The following FRMPD4 variants were observed in gnomAD, a reference collection of about 807,000 sequenced individuals.
FRMPD4 encodes FERM and PDZ domain-containing protein 4.
A neutral mutation model predicts 94.1 loss-of-function variants in FRMPD4; 22 were observed. That is an observed-to-expected ratio of 0.23 (90% confidence interval 0.17 to 0.33). The LOEUF is 0.33. Among genes scored for constraint, FRMPD4 ranks in the 10% least tolerant of loss-of-function variants. The probability of loss-of-function intolerance (pLI) is 1.00; values close to 1 mark genes in which losing one functional copy is unlikely to be tolerated. For synonymous variants in FRMPD4, 631 were observed against 548.6 expected (o/e 1.15, Z -2.10); for missense variants, 1,111 against 1,339.9 (o/e 0.83, Z 2.67).
chrX:11,840,341 AT>A (rs1414795549), intron 1 of FRMPD4, among the ~76,000 whole-genome samples: 15 of 111,299 alleles, frequency 1.3e-4, no homozygotes, highest in East Asian at 5.6e-4. Flanking sequence ...TTGTGGATGA[AT>A]TTTTTTAATT....
intron 3 of FRMPD4, among the ~76,000 whole-genome samples, chrX:11,969,457 G>A (rs1345674969): frequency 2.7e-5 from 3 of 112,193 alleles, no homozygotes; most frequent in Non-Finnish European, 5.6e-5. Context: ...TCTGAAAATA[G>A]AGAGGCTTTC....
intron 1 of FRMPD4, among the ~76,000 whole-genome samples, chrX:12,174,535 C>T (rs1001866309): frequency 8.9e-6 from 1 of 111,774 alleles, no homozygotes; most frequent in African/African-American, 3.3e-5. Context: ...TCATTCCTTG[C>T]GGTCTGGCCC....
chrX:12,489,064 G>C lies in FRMPD4; in HGVS notation c.42-9616G>C, dbSNP rs148234654. 2.9e-3 allele frequency among the ~76,000 whole-genome samples: 326 copies of C among 111,759 alleles called. 1 individual carries two copies. The highest frequency in any genetic ancestry group is 0.01 in the African/African-American group (310 of 30,869). The stretch of plus-strand genomic sequence containing the variant: ...TGACTCATGAATCTGAAAATATTTA[G>C]TATATCTGGCTCTTTACATAAATTT... On this transcript the variant is annotated intron_variant, in intron 1 of 16. Transcript: ENST00000675598.
At chrX:12,126,616 A>G (rs1258823411) in intron 3 of FRMPD4, among the ~76,000 whole-genome samples, 1 of 111,304 alleles carries the variant, frequency 9.0e-6, no homozygotes, top group African/African-American at 3.3e-5. Flanking sequence ...ATTTAATTAA[A>G]TCAGCATTCT....
chrX:11,977,503 C>G (rs1016697332), intron 3 of FRMPD4, among the ~76,000 whole-genome samples: 1 of 112,285 alleles, frequency 8.9e-6, no homozygotes, highest in Non-Finnish European at 1.9e-5. Context: ...AAGAGTCTAC[C>G]TCTGTAAAAT....
At chrX:12,129,721 T>G (rs1023601266) in intron 3 of FRMPD4, among the ~76,000 whole-genome samples, 11 of 111,797 alleles carry the variant, frequency 9.8e-5, no homozygotes, top group African/African-American at 3.6e-4. Context: ...TACATGTGTT[T>G]GAGGACTTCT....
chrX:11,983,513 G>T (rs1412702714), intron 3 of FRMPD4, among the ~76,000 whole-genome samples: 4 of 111,972 alleles, frequency 3.6e-5, no homozygotes, highest in African/African-American at 1.3e-4. Context: ...TTTCATGCTA[G>T]CTCAGTGAAA....
intron 1 of FRMPD4, among the ~76,000 whole-genome samples, chrX:11,847,612 G>A (rs1429617036): frequency 6.6e-4 from 72 of 108,642 alleles, no homozygotes; most frequent in Middle Eastern, 4.3e-3. Flanking sequence ...ATTCACAATA[G>A]CAAAGACTTG....
At chrX:12,248,252 A>T (rs2053982474) in intron 1 of FRMPD4, among the ~76,000 whole-genome samples, 1 of 112,356 alleles carries the variant, frequency 8.9e-6, no homozygotes, top group African/African-American at 3.2e-5. Context: ...AAAAGCAAAA[A>T]CAAGACTCTT....
At chrX:12,206,018 A>G (rs762311020) in intron 1 of FRMPD4, among the ~76,000 whole-genome samples, 1 of 112,098 alleles carries the variant, frequency 8.9e-6, no homozygotes, top group Non-Finnish European at 1.9e-5. Context: ...CATTTGGTAC[A>G]TAACTTTCTA....
chrX:12,348,403 G>C (rs1484698419), intron 1 of FRMPD4, among the ~76,000 whole-genome samples: 3 of 111,221 alleles, frequency 2.7e-5, no homozygotes, highest in African/African-American at 6.6e-5. Flanking sequence ...AGGCTGCTTT[G>C]TGATTTCATT....
chrX:12,281,115 G>A (rs1246925907), intron 1 of FRMPD4, among the ~76,000 whole-genome samples: 3 of 112,339 alleles, frequency 2.7e-5, no homozygotes, highest in South Asian at 7.5e-4. Context: ...CACCAAGCTC[G>A]TCCTTACTTT....
At chrX:12,587,725 A>G (rs2058945301) in intron 2 of FRMPD4, among the ~76,000 whole-genome samples, 1 of 109,435 alleles carries the variant, frequency 9.1e-6, no homozygotes, top group Admixed American at 9.7e-5. Flanking sequence ...GGTTGTTTCT[A>G]CCTCTTAGTT....
intron 1 of FRMPD4, among the ~76,000 whole-genome samples, chrX:11,843,671 C>T (rs1190674041): frequency 1.8e-5 from 2 of 111,001 alleles, no homozygotes; most frequent in African/African-American, 6.6e-5. Context: ...GATCCTCCTG[C>T]CTTAGCCTCC....
intron 3 of FRMPD4, among the ~76,000 whole-genome samples, chrX:12,089,076 C>A (rs984335158): frequency 8.9e-6 from 1 of 112,300 alleles, no homozygotes; most frequent in East Asian, 2.8e-4. Flanking sequence ...TTCTGTCTGG[C>A]TTCCTTGACT....
chrX:12,689,459 CCA>C (rs1293386257), intron 7 of FRMPD4, among the ~76,000 whole-genome samples: 1 of 112,208 alleles, frequency 8.9e-6, no homozygotes, highest in Non-Finnish European at 1.9e-5. Flanking sequence ...ATTATTATCC[CCA>C]GTTTACACAC....
intron 3 of FRMPD4, among the ~76,000 whole-genome samples, chrX:11,887,344 G>C (rs185776115): frequency 9.0e-6 from 1 of 111,276 alleles, no homozygotes; most frequent in African/African-American, 3.3e-5. Context: ...TCTGAGACAC[G>C]GCTAATCACA....
intron 1 of FRMPD4, among the ~76,000 whole-genome samples, chrX:12,247,895 C>A (rs767652776): frequency 4.0e-4 from 45 of 112,113 alleles, no homozygotes; most frequent in Non-Finnish European, 7.7e-4. Flanking sequence ...TATAACAAAG[C>A]AGGACTACCA....
At chrX:12,086,518 TA>T (rs1296443415) in intron 3 of FRMPD4, among the ~76,000 whole-genome samples, 1 of 111,067 alleles carries the variant, frequency 9.0e-6, no homozygotes, top group Non-Finnish European at 1.9e-5. Context: ...TATCAGAGAG[TA>T]ATAGGCAATT....
Sources: allele counts gnomAD v4.1 joint callset (sites outside exome capture counted in the v4.1 genomes callset), GRCh38; gene constraint gnomAD v4.1.1; transcripts MANE v1.5; gene names NCBI Gene and HGNC (gene_info 2026-07-23, HGNC 2026-07-21).